Variants in FLVCR1 observed in about 807,000 individuals in gnomAD.
FLVCR1 encodes the protein FLVCR choline and heme transporter 1, also known as choline/ethanolamine transporter FLVCR1.
A neutral mutation model predicts 53.6 loss-of-function variants in FLVCR1; 34 were observed. That is an observed-to-expected ratio of 0.63 (90% confidence interval 0.48 to 0.84). The LOEUF (loss-of-function observed/expected upper bound fraction) is 0.84. Among genes scored for constraint, FLVCR1 ranks in the 40% least tolerant of loss-of-function variants. The pLI is 0.00. For missense variants in FLVCR1, 677 were observed against 696.7 expected, an observed-to-expected ratio of 0.97 and a Z score of 0.32; for synonymous variants, 300 against 286.3, an observed-to-expected ratio of 1.05 and a Z score of -0.48.
chr1:212,885,969 C>G (rs1012948346), intron 5 of FLVCR1, among the ~76,000 whole-genome samples: 1 of 151,318 alleles, frequency 6.6e-6, no homozygotes, highest in Non-Finnish European at 1.5e-5. Context: ...CTACCACTTC[C>G]GAAGGAATTA....
rs1327740531 is a variant in FLVCR1, at chr1:212,898,367, T to C, written c.*3077T>C. Reference sequence around the variant, plus strand: ...GTCCAATCATTAGCTTCCTTTGATATTTACATTACAGGTAAAAACGGCCAA... The same window carrying C: ...GTCCAATCATTAGCTTCCTTTGATACTTACATTACAGGTAAAAACGGCCAA... On this transcript the variant is annotated 3_prime_UTR_variant, in exon 10 of 10. Coordinates refer to ENST00000366971, the MANE Select transcript of FLVCR1 (RefSeq NM_014053.4). 1 of 152,208 alleles carries C rather than the reference T, an allele frequency of 6.6e-6. No homozygotes were observed. Among genetic ancestry groups the C allele is most frequent in the African/African-American group, 2.4e-5 (1 of 41,454 alleles). The allele number at this position is 152,208 out of a possible 1,614,324, so 9.4% of individuals were successfully genotyped here.
intron 3 of FLVCR1, among the ~76,000 whole-genome samples, chr1:212,878,554 A>C (rs1244047405): frequency 1.4e-5 from 2 of 147,042 alleles, no homozygotes; most frequent in African/African-American, 5.0e-5. Flanking sequence ...AAAAAAAAAA[A>C]TACAAGAGAA....
At chr1:212,889,027 A>T (rs1665126221) in intron 7 of FLVCR1, 119 bp from the exon 8 acceptor site, 1 of 789,936 alleles carries the variant, frequency 1.3e-6, no homozygotes, top group African/African-American at 1.7e-5. Context: ...TCAACTTTTC[A>T]ATGAATGTTT....
At chr1:212,894,566 T>A (rs1431091897) in intron 8 of FLVCR1, among the ~76,000 whole-genome samples, 2 of 152,170 alleles carry the variant, frequency 1.3e-5, no homozygotes, top group Admixed American at 6.5e-5. Context: ...GACAAGTTAT[T>A]ACTCAGTTTT....
At chr1:212,865,846 C>T (rs909719120) in intron 2 of FLVCR1, among the ~76,000 whole-genome samples, 2 of 145,922 alleles carry the variant, frequency 1.4e-5, no homozygotes, top group Admixed American at 1.4e-4. Flanking sequence ...GACGGAGTCT[C>T]GCTCTGTCAC....
At position 212,858,747 on chromosome 1, in the gene FLVCR1, C is replaced by T; in HGVS notation, c.295C>T (p.Pro99Ser). The T allele has an allele frequency of 1.2e-6, 2 of 1,613,116 alleles. No homozygotes were observed. The highest frequency in any genetic ancestry group is 1.7e-6 in the Non-Finnish European group (2 of 1,179,782). Residue 99 changes from proline to serine, a missense_variant, in exon 1 of 10, where the codon CCC becomes TCC. By Grantham distance (74) the Pro-to-Ser change is moderately conservative. Transcript: ENST00000366971. The stretch of plus-strand genomic sequence containing the variant: ...CCCGGGGGCCGAGAGCAGCCCGCTG[C>T]CCCTTACGGCGCTCTCCCCGCGGCG... ...ETPGAESSPL[P>S]LTALSPRRFV...
At chr1:212,891,981 C>T (rs1339672125) in intron 8 of FLVCR1, among the ~76,000 whole-genome samples, 2 of 152,180 alleles carry the variant, frequency 1.3e-5, no homozygotes, top group African/African-American at 4.8e-5. Context: ...TCGCCGTAAG[C>T]CAAAGCCTAA....
chr1:212,889,274 G>A lies in FLVCR1; in HGVS notation c.1525+17G>A, dbSNP rs903855418. On this transcript the variant is annotated intron_variant, in intron 8 of 9. Transcript: ENST00000366971. ...TATTAACAGGTAAATTAGGGCGTTTGCCTGGCAAAAGGACTTGTGTCATGT... is the reference window on the plus strand; with the variant it reads ...TATTAACAGGTAAATTAGGGCGTTTACCTGGCAAAAGGACTTGTGTCATGT... 9 of 1,504,954 alleles carry A rather than the reference G, an allele frequency of 6.0e-6. No homozygotes were observed. The African/African-American group carries it at 1.2e-4, about 21-fold the overall frequency. The allele number at this position is 1,504,954 out of a possible 1,614,324, so 93.2% of individuals were successfully genotyped here.
At chr1:212,878,383 T>A (rs967596831) in intron 3 of FLVCR1, among the ~76,000 whole-genome samples, 9 of 151,930 alleles carry the variant, frequency 5.9e-5, no homozygotes, top group African/African-American at 2.2e-4. Context: ...GTGCCTGTAG[T>A]CCCAGCTACT....
rs1016356701 is a variant in FLVCR1 at position 212,887,975 on chromosome 1, C to A, written c.1281C>A (p.Ile427=). The A allele has an allele frequency of 1.9e-6, 3 of 1,597,200 alleles. No homozygotes were observed. The highest frequency in any genetic ancestry group is 1.7e-6 in the Non-Finnish European group (2 of 1,165,078). ...TFTLDLRYII[I]VFVTGGVLGF... ...CATTGGACCTTAGATATATTATCAT[C>A]GTGTTTGTTACTGGAGGGGTGCTTG... Residue 427 remains isoleucine (I), a synonymous_variant, in exon 6 of 10, where the codon ATC becomes ATA. Coordinates refer to ENST00000366971, the MANE Select transcript of FLVCR1 (RefSeq NM_014053.4).
At chr1:212,887,380 T>C (rs1665087647) in intron 5 of FLVCR1, among the ~76,000 whole-genome samples, 1 of 152,236 alleles carries the variant, frequency 6.6e-6, no homozygotes, top group Non-Finnish European at 1.5e-5. Context: ...CTTTCTTAGA[T>C]GAAAATTATG....
intron 8 of FLVCR1, among the ~76,000 whole-genome samples, chr1:212,893,348 C>T (rs916973202): frequency 2.0e-5 from 3 of 152,022 alleles, no homozygotes; most frequent in African/African-American, 4.8e-5. Flanking sequence ...AGCCACTGCG[C>T]CTGGCTGGGT....
At chr1:212,879,482 A>G (rs1346582909) in intron 3 of FLVCR1, among the ~76,000 whole-genome samples, 1 of 152,152 alleles carries the variant, frequency 6.6e-6, no homozygotes, top group Non-Finnish European at 1.5e-5. Context: ...TCGGGATCAT[A>G]TATGCAGTGT....
At chr1:212,859,909 G>T (rs1167632685) in intron 1 of FLVCR1, among the ~76,000 whole-genome samples, 1 of 152,162 alleles carries the variant, frequency 6.6e-6, no homozygotes, top group African/African-American at 2.4e-5. Flanking sequence ...AGAGGTCATT[G>T]TGAACAGCTC....
intron 4 of FLVCR1, among the ~76,000 whole-genome samples, chr1:212,884,391 C>G (rs1417603658): frequency 6.6e-6 from 1 of 151,936 alleles, no homozygotes; most frequent in Non-Finnish European, 1.5e-5. Context: ...AGTGAGACTC[C>G]ATCTCAAAAA....
chr1:212,894,852 G>T, intron 8 of FLVCR1, 134 bp from the exon 9 acceptor site: 1 of 728,018 alleles, frequency 1.4e-6, no homozygotes, highest in Non-Finnish European at 2.6e-6. Context: ...TTATTTTTTA[G>T]GCTGTTGGGA....
chr1:212,886,807 A>G (rs192294495), intron 5 of FLVCR1, among the ~76,000 whole-genome samples: 175 of 152,228 alleles, frequency 1.1e-3, no homozygotes, highest in Non-Finnish European at 1.2e-3. Flanking sequence ...GTCTAAAAAA[A>G]TAAAAAAAAA....
intron 8 of FLVCR1, among the ~76,000 whole-genome samples, chr1:212,894,216 C>T (rs1044837327): frequency 5.9e-5 from 9 of 151,992 alleles, no homozygotes; most frequent in Admixed American, 2.6e-4. Context: ...TGCAGTGGTG[C>T]GATCTCTGCT....
At chr1:212,878,100 T>C (rs1003869275) in intron 3 of FLVCR1, among the ~76,000 whole-genome samples, 1 of 152,082 alleles carries the variant, frequency 6.6e-6, no homozygotes, top group Non-Finnish European at 1.5e-5. Flanking sequence ...CAGGGCAGAG[T>C]TGAGTAGTGA....
Sources: allele counts gnomAD v4.1 joint callset (sites outside exome capture counted in the v4.1 genomes callset), GRCh38; gene constraint gnomAD v4.1.1; transcripts MANE v1.5; gene names NCBI Gene and HGNC (gene_info 2026-07-23, HGNC 2026-07-21).